The following TACC1 variants were observed in gnomAD, a reference collection of about 807,000 sequenced individuals.
The protein encoded by TACC1 is transforming acidic coiled-coil-containing protein 1.
TACC1 carries 48 observed loss-of-function variants against 84.4 expected under a neutral mutation model. The ratio of observed to expected loss-of-function variants is 0.57; its 90% confidence interval spans 0.45 to 0.72. The LOEUF (loss-of-function observed/expected upper bound fraction) is 0.72. TACC1 is among the 30% of genes least tolerant of loss of function. TACC1 has a pLI of 0.00. For missense variants in TACC1, 920 were observed against 973.0 expected, an observed-to-expected ratio of 0.95 and a Z score of 0.72; for synonymous variants, 372 against 376.3, an observed-to-expected ratio of 0.99 and a Z score of 0.13.
chr8:38,734,596 G>C lies in TACC1; in HGVS notation c.-675+5925G>C, dbSNP rs555181104. On this transcript the variant is annotated intron_variant, in intron 1 of 14. Transcript: ENST00000518415. Reference sequence around the variant, plus strand: ...AGAACAAAATGCCCCAAGGTAGCAGGGAGGGCTTGGTATGTTTATTATGCA... The same window carrying C: ...AGAACAAAATGCCCCAAGGTAGCAGCGAGGGCTTGGTATGTTTATTATGCA... Among the ~76,000 whole-genome samples the C allele has an allele frequency of 1.3e-5, 2 of 152,356 alleles. 1 individual carries two copies. Among genetic ancestry groups the C allele is most frequent in the South Asian group, 4.1e-4 (2 of 4,832 alleles).
chr8:38,814,821 A>G (rs1339531894), intron 2 of TACC1, among the ~76,000 whole-genome samples: 1 of 152,262 alleles, frequency 6.6e-6, no homozygotes, highest in Non-Finnish European at 1.5e-5. Flanking sequence ...CCCACAGCAA[A>G]TGAAAGGAGG....
At chr8:38,739,172 A>G (rs1563748259) in intron 1 of TACC1, among the ~76,000 whole-genome samples, 1 of 152,152 alleles carries the variant, frequency 6.6e-6, no homozygotes, top group African/African-American at 2.4e-5. Context: ...CACTGCACCC[A>G]GCCCATGTGT....
At chr8:38,772,816 A>C (rs551029893) in intron 3 of TACC1, among the ~76,000 whole-genome samples, 4 of 152,016 alleles carry the variant, frequency 2.6e-5, no homozygotes, top group Non-Finnish European at 5.9e-5. Context: ...TAAACAATAA[A>C]TTGATACTTG....
At chr8:38,759,953 T>C (rs955606762) in intron 3 of TACC1, among the ~76,000 whole-genome samples, 5 of 152,134 alleles carry the variant, frequency 3.3e-5, no homozygotes, top group Non-Finnish European at 7.3e-5. Context: ...CTGCCGAACA[T>C]ATGGCTGTCA....
At chr8:38,841,994 A>G (rs1415799810) in intron 9 of TACC1, among the ~76,000 whole-genome samples, 1 of 152,066 alleles carries the variant, frequency 6.6e-6, no homozygotes, top group African/African-American at 2.4e-5. Context: ...TCTCCCAGGT[A>G]GCTGTATGGC....
At chr8:38,752,199 T>C (rs764227357) in intron 3 of TACC1, among the ~76,000 whole-genome samples, 2 of 152,300 alleles carry the variant, frequency 1.3e-5, no homozygotes, top group Non-Finnish European at 2.9e-5. Context: ...GGCCAGGCAC[T>C]GTGGCTCATG....
chr8:38,847,522 C>A lies in TACC1; in HGVS notation c.2350-433C>A, dbSNP rs539846262. On this transcript the variant is annotated intron_variant, in intron 12 of 12. Transcript: ENST00000317827. ...ATTATGTACTCATACCTGTGCCATC[C>A]ATTCATCAAGAGCAGGAGTTTTTAT... Among the ~76,000 whole-genome samples, 16 of 152,316 alleles carry A rather than the reference C, an allele frequency of 1.1e-4. 1 individual carries two copies. The highest frequency in any genetic ancestry group is 2.1e-4 in the Non-Finnish European group (14 of 68,032).
In TACC1 at chr8:38,836,194, T is replaced by C. The variant is rs1830194756; in HGVS notation, c.1746T>C (p.Pro582=). ...TGGAGTCCTCTGCAGAGAAGGCCCC[T>C]GTGTCGGTGTCCTGTGGAGGTGAGA... is the stretch of plus-strand genomic sequence containing the variant. The part of the protein sequence containing the change: ...GLLESSAEKA[P]VSVSCGGESP... The change falls in exon 7 of 13, where the codon CCT becomes CCC. Residue 582 remains proline, a synonymous_variant. Coordinates refer to ENST00000317827, the MANE Select transcript of TACC1 (RefSeq NM_006283.3). 1.2e-6 allele frequency: 2 copies of C among 1,613,314 alleles called. No homozygotes were observed. Among genetic ancestry groups the C allele is most frequent in the East Asian group, 2.2e-5 (1 of 44,878 alleles).
intron 2 of TACC1, among the ~76,000 whole-genome samples, chr8:38,794,658 A>G (rs1158699293): frequency 6.6e-6 from 1 of 152,180 alleles, no homozygotes; most frequent in Admixed American, 6.5e-5. Flanking sequence ...TTTGAGTTAT[A>G]TGTTTAATCA....
At chr8:38,760,539 GT>G (rs924469401) in intron 3 of TACC1, among the ~76,000 whole-genome samples, 4 of 148,840 alleles carry the variant, frequency 2.7e-5, no homozygotes, top group East Asian at 2.0e-4. Flanking sequence ...AGACCTAATT[GT>G]TTTTTTTTTG....
At chr8:38,776,532 A>C (rs1814820870) in intron 3 of TACC1, among the ~76,000 whole-genome samples, 1 of 152,256 alleles carries the variant, frequency 6.6e-6, no homozygotes, top group Admixed American at 6.5e-5. Flanking sequence ...AAGTCTAAAC[A>C]TGAGATTCAT....
intron 2 of TACC1, among the ~76,000 whole-genome samples, chr8:38,795,517 T>A (rs1325388974): frequency 1.3e-5 from 2 of 152,216 alleles, no homozygotes; most frequent in Non-Finnish European, 2.9e-5. Context: ...ATGTCCCACC[T>A]ACAAAATGGA....
At chr8:38,757,662 A>G (rs9693000) in intron 3 of TACC1, among the ~76,000 whole-genome samples, 7,046 of 152,030 alleles carry the variant, frequency 0.046, 516 homozygotes, top group African/African-American at 0.15. Context: ...CTGCCCCAGT[A>G]CACGCTGTAC....
chr8:38,747,385 C>T (rs1194180445), intron 3 of TACC1, among the ~76,000 whole-genome samples: 1 of 152,160 alleles, frequency 6.6e-6, no homozygotes, highest in Non-Finnish European at 1.5e-5. Flanking sequence ...AACTTATGTC[C>T]ACACAAAACC....
intron 3 of TACC1, among the ~76,000 whole-genome samples, chr8:38,776,589 A>G (rs1479518030): frequency 1.3e-5 from 2 of 152,232 alleles, no homozygotes; most frequent in African/African-American, 4.8e-5. Flanking sequence ...GTAATTTTAA[A>G]CAGCAGTTGT....
intron 2 of TACC1, among the ~76,000 whole-genome samples, chr8:38,808,407 C>A: frequency 6.6e-6 from 1 of 152,074 alleles, no homozygotes; most frequent in Admixed American, 6.6e-5. Flanking sequence ...AGTTTAGGTT[C>A]TTTCCTTTCC....
chr8:38,788,652 G>A, intron 1 of TACC1, 52 bp from the exon 2 acceptor site: 1 of 1,343,384 alleles, frequency 7.4e-7, no homozygotes, highest in Non-Finnish European at 1.1e-6. Flanking sequence ...ATTTCAAAGG[G>A]TGTCGGAAAT....
At position 38,821,202 on chromosome 8, in the gene TACC1, C is replaced by CA. The variant is rs879753323; in HGVS notation, c.1391+580dup. ...CCTGGGTGACAGCAAGACTCCATCT[C>CA]AAAAAAAAAAAAAGAATGGCATGAG... On this transcript the variant is annotated intron_variant, in intron 3 of 12. Coordinates refer to ENST00000317827, the MANE Select transcript of TACC1 (RefSeq NM_006283.3). 2.7e-3 allele frequency among the ~76,000 whole-genome samples: 349 copies of CA among 130,934 alleles called. 2 individuals carry two copies. Among genetic ancestry groups the CA allele is most frequent in the South Asian group, 2.4e-3 (10 of 4,160 alleles). The allele number at this position is 130,934 out of a possible 152,430, so 85.9% of individuals were successfully genotyped here.
rs1246049870 is a variant in TACC1, at chr8:38,773,558, GTATC to G, written c.27-15135_27-15132del. On this transcript the variant is annotated intron_variant, in intron 3 of 14. Coordinates refer to the TACC1 transcript ENST00000518415. ...GTACTTATTCACTATTTGTGTAAAAGTATCTATCTATCTAGCTAGCTATCTATCT... is the reference window on the plus strand; with the variant it reads ...GTACTTATTCACTATTTGTGTAAAAGTATCTATCTAGCTAGCTATCTATCT... Among the ~76,000 whole-genome samples, 135 of 120,980 alleles carry G rather than the reference GTATC, an allele frequency of 1.1e-3. 1 individual carries two copies. Among genetic ancestry groups the G allele is most frequent in the East Asian group, 1.4e-3 (7 of 5,144 alleles). The allele number at this position is 120,980 out of a possible 152,430, so 79.4% of individuals were successfully genotyped here.
Sources: gnomAD v4.1 joint callset for allele counts (sites outside exome capture counted in the v4.1 genomes callset) on GRCh38, gnomAD v4.1.1 for gene constraint, MANE v1.5 for transcripts, NCBI Gene and HGNC (gene_info 2026-07-23, HGNC 2026-07-21) for gene names.